ATRNL1: variants seen among roughly 807,000 people sequenced by gnomAD.
ATRNL1 encodes the protein attractin like 1, also known as attractin-like protein 1.
In ATRNL1, 95 loss-of-function variants were observed where a neutral mutation model predicts 182.7. The ratio of observed to expected loss-of-function variants is 0.52; its 90% confidence interval spans 0.44 to 0.62. The LOEUF (loss-of-function observed/expected upper bound fraction) is 0.62. Ranked by LOEUF, ATRNL1 falls within the 20% of genes least tolerant of loss-of-function variation. ATRNL1 has a pLI of 0.00. For synonymous variants in ATRNL1, 576 were observed against 568.3 expected, an observed-to-expected ratio of 1.01 and a Z score of -0.19; for missense variants, 1,471 against 1,679.5, an observed-to-expected ratio of 0.88 and a Z score of 2.17.
At chr10:115,865,657 G>A (rs1401408459) in intron 28 of ATRNL1, among the ~76,000 whole-genome samples, 1 of 152,042 alleles carries the variant, frequency 6.6e-6, no homozygotes, top group Non-Finnish European at 1.5e-5. Flanking sequence ...TTACAGAAAG[G>A]TTTCTTTACT....
chr10:115,175,600 C>T (rs1847470503), intron 8 of ATRNL1, among the ~76,000 whole-genome samples: 2 of 152,012 alleles, frequency 1.3e-5, no homozygotes, highest in East Asian at 1.9e-4. Flanking sequence ...GGGAAGAATA[C>T]ATGATTGATG....
At chr10:115,568,200 A>G (rs61881037) in intron 26 of ATRNL1, among the ~76,000 whole-genome samples, 24,852 of 152,018 alleles carry the variant, frequency 0.16, 2,546 homozygotes, top group South Asian at 0.24. Flanking sequence ...CAGGCTATTA[A>G]ATCATAGTGA....
chr10:115,444,291 TA>T (rs1554966214), intron 21 of ATRNL1, among the ~76,000 whole-genome samples: 2 of 152,088 alleles, frequency 1.3e-5, no homozygotes, highest in African/African-American at 4.8e-5. Flanking sequence ...TTACAGTAAT[TA>T]AGGCAGTGTA....
chr10:115,619,333 C>T (rs1286181969), intron 26 of ATRNL1, among the ~76,000 whole-genome samples: 2 of 152,186 alleles, frequency 1.3e-5, no homozygotes, highest in Non-Finnish European at 2.9e-5. Flanking sequence ...GGAAGGTCCA[C>T]TGTGAGCCCT....
In ATRNL1 at chr10:115,467,175, C is replaced by T. The variant is rs1177863841; in HGVS notation, c.3419C>T (p.Ser1140Leu). The change falls in exon 23 of 29, where the codon TCG (serine) becomes TTG (leucine). Residue 1140 changes from serine (S) to leucine (L), a missense_variant and splice_region_variant. Around this residue, in one of 3 missense-constraint regions of ATRNL1, gnomAD observed 437 missense variants for 506.0 expected, o/e 0.86. Coordinates refer to ENST00000355044, the MANE Select transcript of ATRNL1 (RefSeq NM_207303.4). ...CCTTAATATTTTCTTTTCTGGTAGT[C>T]GAACAAAAATCTGGATATATCAATT... ...AINFIANPEQSNKNLDISINA... is the reference protein window; with the variant it reads ...AINFIANPEQLNKNLDISINA... The T allele has an allele frequency of 5.6e-6, 9 of 1,596,700 alleles. No homozygotes were observed. In the African/African-American group the frequency reaches 9.5e-5, roughly 17 times the overall value.
intron 27 of ATRNL1, among the ~76,000 whole-genome samples, chr10:115,818,427 A>T (rs1950217560): frequency 6.6e-6 from 1 of 152,100 alleles, no homozygotes; most frequent in South Asian, 2.1e-4. Flanking sequence ...TTGCCATTAT[A>T]TTGATGGCTT....
intron 8 of ATRNL1, among the ~76,000 whole-genome samples, chr10:115,176,794 G>A (rs1847526674): frequency 6.6e-6 from 1 of 152,060 alleles, no homozygotes; most frequent in Non-Finnish European, 1.5e-5. Context: ...GTTGCTATAG[G>A]TACTCTTTTT....
intron 12 of ATRNL1, among the ~76,000 whole-genome samples, chr10:115,268,087 T>C (rs1015056571): frequency 2.0e-5 from 3 of 152,118 alleles, no homozygotes; most frequent in Admixed American, 6.6e-5. Context: ...AAAATGTCTG[T>C]AGGATCCTTG....
chr10:115,809,885 A>T (rs1555086546), intron 27 of ATRNL1, among the ~76,000 whole-genome samples: 1 of 151,910 alleles, frequency 6.6e-6, no homozygotes, highest in African/African-American at 2.4e-5. Context: ...TATTAGGGGG[A>T]AACATTCAGT....
intron 26 of ATRNL1, among the ~76,000 whole-genome samples, chr10:115,607,646 C>T (rs1856938461): frequency 1.3e-5 from 2 of 151,762 alleles, no homozygotes; most frequent in South Asian, 4.2e-4. Context: ...ATTTTGGACC[C>T]CAATTCCAGT....
At chr10:115,197,525 A>G (rs1848405900) in intron 8 of ATRNL1, among the ~76,000 whole-genome samples, 1 of 152,070 alleles carries the variant, frequency 6.6e-6, no homozygotes, top group Non-Finnish European at 1.5e-5. Context: ...TATTTTCTTT[A>G]CTAGATATAG....
chr10:115,606,601 T>C (rs1295690284), intron 26 of ATRNL1, among the ~76,000 whole-genome samples: 1 of 152,058 alleles, frequency 6.6e-6, no homozygotes, highest in East Asian at 1.9e-4. Context: ...GCAATTATTA[T>C]GCAAATATTA....
intron 20 of ATRNL1, among the ~76,000 whole-genome samples, chr10:115,415,408 T>C (rs1183857968): frequency 6.6e-6 from 1 of 152,030 alleles, no homozygotes; most frequent in Non-Finnish European, 1.5e-5. Flanking sequence ...TAAAGAGTTC[T>C]TTATGAATTA....
At chr10:115,094,089 C>T (rs1323344149) in intron 1 of ATRNL1, 46 bp downstream of exon 1, 4 of 1,327,798 alleles carry the variant, frequency 3.0e-6, no homozygotes, top group Non-Finnish European at 3.9e-6. Flanking sequence ...TGCCTCGCTC[C>T]CGTCGCGGCC....
intron 24 of ATRNL1, among the ~76,000 whole-genome samples, chr10:115,487,220 G>A (rs1334830643): frequency 1.3e-5 from 2 of 152,114 alleles, no homozygotes; most frequent in Non-Finnish European, 2.9e-5. Context: ...GGGATATGCA[G>A]GCTCTTTTTT....
chr10:115,684,041 T>C (rs1230538334), intron 26 of ATRNL1, among the ~76,000 whole-genome samples: 1 of 151,744 alleles, frequency 6.6e-6, no homozygotes, highest in African/African-American at 2.4e-5. Context: ...AGGAATAGTA[T>C]CAGTATACTA....
chr10:115,675,063 TAC>T (rs1187941426), intron 26 of ATRNL1, among the ~76,000 whole-genome samples: 2 of 152,144 alleles, frequency 1.3e-5, no homozygotes, highest in East Asian at 1.9e-4. Flanking sequence ...CTGCTGAACC[TAC>T]ACACAGTCTA....
chr10:115,379,419 C>T (rs969851180), intron 19 of ATRNL1, among the ~76,000 whole-genome samples: 2 of 152,088 alleles, frequency 1.3e-5, no homozygotes, highest in East Asian at 1.9e-4. Flanking sequence ...AAAAAGTTAG[C>T]GTCTTAGAAA....
In ATRNL1 at chr10:115,421,114, A is replaced by G. The variant is rs1053096683; in HGVS notation, c.3270-5136A>G. 2.0e-5 allele frequency among the ~76,000 whole-genome samples: 3 copies of G among 152,204 alleles called. No individual in the cohort carries two copies. The East Asian group carries it at 5.8e-4, about 29-fold the overall frequency. On this transcript the variant is annotated intron_variant, in intron 20 of 28. Transcript: ENST00000355044. ...GCTTCATTGCTAAATTCTAGCAAAT[A>G]TTTAAAAATGAACTCATACCAATTA...
Sources: allele counts gnomAD v4.1 joint callset (sites outside exome capture counted in the v4.1 genomes callset), GRCh38; gene constraint gnomAD v4.1.1; regional missense constraint gnomAD v4.1.1; transcripts MANE v1.5; gene names NCBI Gene and HGNC (gene_info 2026-07-23, HGNC 2026-07-21).